STC2: variants seen among roughly 807,000 people sequenced by gnomAD.
STC2 encodes the protein stanniocalcin-2.
Under a neutral mutation model 22.7 loss-of-function variants are expected in STC2, and 7 were observed. The ratio of observed to expected loss-of-function variants is 0.31; its 90% CI spans 0.18 to 0.58. The LOEUF (loss-of-function observed/expected upper bound fraction) is 0.58. Among genes scored for constraint, STC2 ranks in the 20% least tolerant of loss-of-function variants. The pLI is 0.89. For synonymous variants in STC2, 158 were observed against 163.4 expected (o/e 0.97, Z 0.25); for missense variants, 336 against 406.2 (o/e 0.83, Z 1.48).
intron 3 of STC2, among the ~76,000 whole-genome samples, chr5:173,320,104 G>A (rs573407462): frequency 1.6e-4 from 24 of 152,338 alleles, no homozygotes; most frequent in African/African-American, 3.6e-4. Context: ...TGCCTGCCGC[G>A]GCACCAGGGC....
In STC2 at chr5:173,316,165, T is replaced by G. The variant is rs1762418419; in HGVS notation, c.*1682A>C. ...AGATCAGTAAACTGTGTCCTGTGAG[T>G]GAAATTCAGCTGGGAGCCTGTTAAA... On this transcript the variant is annotated 3_prime_UTR_variant, in exon 4 of 4. Transcript: ENST00000265087. The G allele has an allele frequency of 6.6e-6, 1 of 152,070 alleles. No homozygotes were observed. The highest frequency in any genetic ancestry group is 2.4e-5 in the African/African-American group (1 of 41,386). 9.4% of individuals were successfully genotyped at this position (152,070 alleles called of 1,614,324 possible). A position where few individuals can be genotyped will look rare whatever the true frequency, so the allele number is the denominator to read the frequency against.
At chr5:173,321,339 G>A (rs923978576) in intron 3 of STC2, among the ~76,000 whole-genome samples, 3 of 152,170 alleles carry the variant, frequency 2.0e-5, no homozygotes, top group Admixed American at 6.5e-5. Context: ...AACTAGGAAT[G>A]GGCCCCATTC....
At chr5:173,324,808 C>G (rs1483062348) in intron 2 of STC2, among the ~76,000 whole-genome samples, 2 of 152,236 alleles carry the variant, frequency 1.3e-5, no homozygotes, top group African/African-American at 2.4e-5. Flanking sequence ...TCCGGATTTC[C>G]TATTACGTTT....
Position 173,325,848 on chromosome 5 carries a change from T to C in STC2, c.294+20A>G. The C allele has an allele frequency of 2.5e-6, 4 of 1,614,008 alleles. No homozygotes were observed. Among genetic ancestry groups the C allele is most frequent in the Middle Eastern group, 1.6e-4 (1 of 6,062 alleles). The stretch of plus-strand genomic sequence containing the variant: ...GTATGCTCACCCCAAACATTCTTCA[T>C]GCTCTGGATGGATTTTTACCTGGGC... On this transcript the variant is annotated intron_variant, in intron 2 of 3. Coordinates refer to ENST00000265087, the MANE Select transcript of STC2 (RefSeq NM_003714.3). This position sits in a 1 kb window ranked among gnomAD's most constrained non-coding sequence, Gnocchi z 4.7.
chr5:173,325,062 C>T lies in STC2; in HGVS notation c.294+806G>A, dbSNP rs186542776. ...CATAAATCTCACCTAAGCTGATGGC[C>T]ACCTCCAAATGTTGGCATTGCTCTC... On this transcript the variant is annotated intron_variant, in intron 2 of 3. Transcript: ENST00000265087. The surrounding 1 kb of genome is among the most constrained non-coding windows in gnomAD (Gnocchi z 4.7). Among the ~76,000 whole-genome samples the T allele has an allele frequency of 1.2e-4, 19 of 152,308 alleles. No homozygotes were observed. In the East Asian group the frequency reaches 3.1e-3, roughly 25 times the overall value.
Position 173,328,249 on chromosome 5 carries a change from C to T in STC2, c.-56G>A. ...CCTGGATCCTTTGTGCTCCCCTCTT[C>T]CTCCTCCTCCTCTTCCTCCTTCGCC... On this transcript the variant is annotated 5_prime_UTR_variant, in exon 1 of 4. Coordinates refer to ENST00000265087, the MANE Select transcript of STC2 (RefSeq NM_003714.3). 3 of 1,359,548 alleles carry T rather than the reference C, an allele frequency of 2.2e-6. No individual in the cohort carries two copies. Among genetic ancestry groups the T allele is most frequent in the Non-Finnish European group, 2.9e-6 (3 of 1,042,136 alleles). 84.2% of individuals were successfully genotyped at this position (1,359,548 alleles called of 1,614,324 possible).
chr5:173,318,086 C>T lies in STC2; in HGVS notation c.670G>A (p.Glu224Lys), dbSNP rs781227018. ...AIQKPPTAPP[E>K]RQPQVDRTKL... ...GTTCTGTCCACCTGGGGCTGGCGCT[C>T]GGGGGGCGCCGTGGGAGGCTTCTGG... The change falls in exon 4 of 4, where the codon GAG becomes AAG. Residue 224 changes from glutamate (E) to lysine (K), a missense_variant. Physicochemically the swap from Glu to Lys is moderately conservative, Grantham distance 56 (BLOSUM62 1). Coordinates refer to ENST00000265087, the MANE Select transcript of STC2 (RefSeq NM_003714.3). 24 of 1,606,510 alleles carry T rather than the reference C, an allele frequency of 1.5e-5. 1 individual carries two copies. The Admixed American group carries it at 2.4e-4, about 16-fold the overall frequency.
chr5:173,325,764 C>G lies in STC2; in HGVS notation c.294+104G>C. ...TGTCGCTTGCAAGCACTAAAACACA[C>G]CACAAGGAACAGCAAAGGAAGTTGG... On this transcript the variant is annotated intron_variant, in intron 2 of 3. Coordinates refer to ENST00000265087, the MANE Select transcript of STC2 (RefSeq NM_003714.3). The surrounding 1 kb of genome is among the most constrained non-coding windows in gnomAD (Gnocchi z 4.7). 6.5e-7 allele frequency: 1 copy of G among 1,532,070 alleles called. No individual in the cohort carries two copies. Among genetic ancestry groups the G allele is most frequent in the Non-Finnish European group, 8.9e-7 (1 of 1,118,880 alleles). 94.9% of individuals were successfully genotyped at this position (1,532,070 alleles called of 1,614,324 possible). A position where few individuals can be genotyped will look rare whatever the true frequency, so the allele number is the denominator to read the frequency against.
rs192928998 is a variant in STC2 at position 173,315,557 on chromosome 5, T to C, written c.*2290A>G. 21 of 152,252 alleles carry C rather than the reference T, an allele frequency of 1.4e-4. No individual in the cohort carries two copies. Among genetic ancestry groups the C allele is most frequent in the African/African-American group, 4.3e-4 (18 of 41,534 alleles). The allele number at this position is 152,252 out of a possible 1,614,324, so 9.4% of individuals were successfully genotyped here. A position where few individuals can be genotyped will look rare whatever the true frequency, so the allele number is the denominator to read the frequency against. On this transcript the variant is annotated 3_prime_UTR_variant, in exon 4 of 4. Transcript: ENST00000265087. ...CGAATGGGATCAGTAGGCGAACACA[T>C]AAAACATTTACACGGAGGAAAATGG... is the stretch of plus-strand genomic sequence containing the variant.
Position 173,325,979 on chromosome 5 carries a change from G to T in STC2, c.183C>A (p.Gly61=). 1.2e-6 allele frequency: 2 copies of T among 1,614,074 alleles called. No individual in the cohort carries two copies. The highest frequency in any genetic ancestry group is 2.2e-5 in the East Asian group (1 of 44,880). Residue 61 remains glycine (G), a synonymous_variant, in exon 2 of 4, where the codon GGC becomes GGA. Coordinates refer to ENST00000265087, the MANE Select transcript of STC2 (RefSeq NM_003714.3). This position sits in a 1 kb window ranked among gnomAD's most constrained non-coding sequence, Gnocchi z 4.7. ...AEIQHCLVNA[G]DVGCGVFECF... ...ATTCAAACACGCCACACCCCACATC[G>T]CCAGCGTTGACCAAACAGTGCTGGA...
chr5:173,324,189 C>G (rs906467091), intron 2 of STC2: 1 of 152,472 alleles, frequency 6.6e-6, no homozygotes, highest in African/African-American at 2.4e-5. Context: ...ATACATCTGG[C>G]CTGCAGTTCT....
intron 3 of STC2, among the ~76,000 whole-genome samples, chr5:173,319,454 A>C (rs548629826): frequency 6.6e-6 from 1 of 152,310 alleles, no homozygotes; most frequent in East Asian, 1.9e-4. Context: ...TTGAGCAGGG[A>C]AGTCACCATG....
Position 173,325,985 on chromosome 5 carries a change from G to A in STC2, c.177C>T (p.Asn59=), listed in dbSNP as rs201103640. ...NTAEIQHCLV[N]AGDVGCGVFE... ...ACACGCCACACCCCACATCGCCAGC[G>A]TTGACCAAACAGTGCTGGATCTCCG... Residue 59 remains asparagine, a synonymous_variant, in exon 2 of 4, where the codon AAC becomes AAT. Coordinates refer to ENST00000265087, the MANE Select transcript of STC2 (RefSeq NM_003714.3). The surrounding 1 kb of genome is among the most constrained non-coding windows in gnomAD (Gnocchi z 4.7). 84 of 1,614,120 alleles carry A rather than the reference G, an allele frequency of 5.2e-5. No homozygotes were observed. Among genetic ancestry groups the A allele is most frequent in the Middle Eastern group, 3.3e-4 (2 of 6,062 alleles).
chr5:173,316,550 T>C lies in STC2; in HGVS notation c.*1297A>G, dbSNP rs770550351. On this transcript the variant is annotated 3_prime_UTR_variant, in exon 4 of 4. Coordinates refer to ENST00000265087, the MANE Select transcript of STC2 (RefSeq NM_003714.3). ...CCTCACTCTCCTTTCCTCGTATTTTTAGTTCTGTCTCTTCTCTCTGCCTTT... is the reference window on the plus strand; with the variant it reads ...CCTCACTCTCCTTTCCTCGTATTTTCAGTTCTGTCTCTTCTCTCTGCCTTT... 5 of 152,186 alleles carry C rather than the reference T, an allele frequency of 3.3e-5. No homozygotes were observed. Among genetic ancestry groups the C allele is most frequent in the Non-Finnish European group, 7.3e-5 (5 of 68,036 alleles). The allele number at this position is 152,186 out of a possible 1,614,324, so 9.4% of individuals were successfully genotyped here.
rs1345751815 is a variant in STC2 at position 173,323,717 on chromosome 5, C to T, written c.295-287G>A. ...GGCTACTCTGTGAGTTTCCCTCCAA[C>T]GGGGGCTTCCGTGGCTATGTGTCCC... On this transcript the variant is annotated intron_variant, in intron 2 of 3. Coordinates refer to ENST00000265087, the MANE Select transcript of STC2 (RefSeq NM_003714.3). The surrounding 1 kb of genome is among the most constrained non-coding windows in gnomAD (Gnocchi z 5.4). Among the ~76,000 whole-genome samples the T allele has an allele frequency of 6.6e-6, 1 of 152,186 alleles. No individual in the cohort carries two copies. Among genetic ancestry groups the T allele is most frequent in the African/African-American group, 2.4e-5 (1 of 41,446 alleles).
At position 173,318,130 on chromosome 5, in the gene STC2, C is replaced by T. The variant is rs1177865235; in HGVS notation, c.626G>A (p.Ser209Asn). 2 of 1,610,334 alleles carry T rather than the reference C, an allele frequency of 1.2e-6. No individual in the cohort carries two copies. Among genetic ancestry groups the T allele is most frequent in the Non-Finnish European group, 1.7e-6 (2 of 1,178,686 alleles). ...CTTCTGGATGGCCGAGGTGCAGAAG[C>T]TCAAGATGGAGCACAGGCTTCCCCA... ...QNWGSLCSIL[S>N]FCTSAIQKPP... The change falls in exon 4 of 4, where the codon AGC becomes AAC. Residue 209 changes from serine to asparagine, a missense_variant. This residue lies in a region of STC2 where 215 missense variants were observed against 231.5 expected (regional missense o/e 0.93). Coordinates refer to ENST00000265087, the MANE Select transcript of STC2 (RefSeq NM_003714.3).
At chr5:173,320,059 T>C in intron 3 of STC2, among the ~76,000 whole-genome samples, 1 of 152,224 alleles carries the variant, frequency 6.6e-6, no homozygotes, top group East Asian at 1.9e-4. Context: ...CGAGTGTGTC[T>C]GCTAAAGCAG....
intron 1 of STC2, among the ~76,000 whole-genome samples, chr5:173,326,234 G>A (rs937324656): frequency 4.6e-5 from 7 of 152,070 alleles, no homozygotes; most frequent in Non-Finnish European, 8.8e-5. Flanking sequence ...GAAAAGAGCC[G>A]AAAAATTACA....
chr5:173,323,267 G>A lies in STC2; in HGVS notation c.458C>T (p.Thr153Ile). The change falls in exon 3 of 4, where the codon ACC becomes ATC. Residue 153 changes from threonine to isoleucine, a missense_variant. Physicochemically the swap from Thr to Ile is moderately conservative, Grantham distance 89. Coordinates refer to ENST00000265087, the MANE Select transcript of STC2 (RefSeq NM_003714.3). The surrounding 1 kb of genome is among the most constrained non-coding windows in gnomAD (Gnocchi z 5.4). Reference sequence around the variant, plus strand: ...ATGGATCATCTCCACTATCACCCGGGTGTTCTCCTGGGCAGCCGCGCACAG... The same window carrying A: ...ATGGATCATCTCCACTATCACCCGGATGTTCTCCTGGGCAGCCGCGCACAG... Reference protein sequence around the residue: ...HDLCAAAQENTRVIVEMIHFK... With the variant: ...HDLCAAAQENIRVIVEMIHFK... 6.2e-7 allele frequency: 1 copy of A among 1,614,186 alleles called. No individual in the cohort carries two copies. The highest frequency in any genetic ancestry group is 1.3e-5 in the African/African-American group (1 of 75,052).
Sources: allele counts gnomAD v4.1 joint callset (sites outside exome capture counted in the v4.1 genomes callset), GRCh38; gene constraint gnomAD v4.1.1; regional missense constraint gnomAD v4.1.1; non-coding constraint Gnocchi (gnomAD v3.1); transcripts MANE v1.5; gene names NCBI Gene and HGNC (gene_info 2026-07-23, HGNC 2026-07-21).